Variants in TRIO observed in about 807,000 individuals in gnomAD.
TRIO encodes triple functional domain protein.
Under a neutral mutation model 351.9 loss-of-function variants are expected in TRIO, and 58 were observed. That is an observed-to-expected ratio of 0.16 (90% CI 0.13 to 0.21). The LOEUF is 0.21. Ranked by LOEUF, TRIO falls within the 10% of genes least tolerant of loss-of-function variation. The probability of loss-of-function intolerance (pLI) is 1.00; values close to 1 mark genes in which losing one functional copy is unlikely to be tolerated. For synonymous variants in TRIO, 1,758 were observed against 1,595.7 expected, an observed-to-expected ratio of 1.10 and a Z score of -2.42; for missense variants, 3,201 against 4,027.8, an observed-to-expected ratio of 0.79 and a Z score of 5.56.
At chr5:14,422,123 C>T (rs1474387422) in intron 34 of TRIO, among the ~76,000 whole-genome samples, 3 of 152,200 alleles carry the variant, frequency 2.0e-5, no homozygotes, top group Admixed American at 6.5e-5. Context: ...GGATATGCAG[C>T]GAGCGAGTTA....
intron 48 of TRIO, among the ~76,000 whole-genome samples, chr5:14,490,987 C>T (rs1301263864): frequency 6.6e-6 from 1 of 152,198 alleles, no homozygotes; most frequent in Non-Finnish European, 1.5e-5. Context: ...TGCTGAAGAG[C>T]CACAGGCAAA....
chr5:14,146,602 TC>T (rs1787538116), intron 1 of TRIO, among the ~76,000 whole-genome samples: 1 of 152,258 alleles, frequency 6.6e-6, no homozygotes, highest in Non-Finnish European at 1.5e-5. Context: ...GAGTGAACAG[TC>T]CTGTGATTTC....
At chr5:14,459,789 T>C (rs1753635045) in intron 34 of TRIO, among the ~76,000 whole-genome samples, 2 of 152,206 alleles carry the variant, frequency 1.3e-5, no homozygotes, top group South Asian at 4.1e-4. Flanking sequence ...TCTTGAAATG[T>C]CATCCACTCC....
intron 21 of TRIO, among the ~76,000 whole-genome samples, chr5:14,384,072 G>A (rs1429458123): frequency 2.0e-5 from 3 of 152,178 alleles, no homozygotes; most frequent in Non-Finnish European, 4.4e-5. Flanking sequence ...GGCACCACCT[G>A]CATCCAGGTT....
In TRIO at chr5:14,360,024, C is replaced by G. The variant is rs185603838; in HGVS notation, c.2391+493C>G. On this transcript the variant is annotated intron_variant, in intron 13 of 56. Coordinates refer to ENST00000344204, the MANE Select transcript of TRIO (RefSeq NM_007118.4). The stretch of plus-strand genomic sequence containing the variant: ...CTCTCTCTCTCCACCTTCTCTCTCT[C>G]CTACCTTTTCTCTTCCTTGCTTCCT... Among the ~76,000 whole-genome samples the G allele has an allele frequency of 1.6e-3, 237 of 152,202 alleles. 1 individual carries two copies. The highest frequency in any genetic ancestry group is 5.3e-3 in the African/African-American group (219 of 41,516).
chr5:14,338,371 C>T (rs914993328), intron 11 of TRIO, among the ~76,000 whole-genome samples: 3 of 152,134 alleles, frequency 2.0e-5, no homozygotes, highest in East Asian at 1.9e-4. Context: ...GGACCCCTCC[C>T]GCTCAACACA....
intron 40 of TRIO, among the ~76,000 whole-genome samples, chr5:14,475,339 C>T (rs757987542): frequency 1.4e-5 from 1 of 69,276 alleles, no homozygotes; most frequent in Non-Finnish European, 2.8e-5. Context: ...GCTCTGGCCT[C>T]TCTCTGAAGC....
chr5:14,261,569 C>G (rs1795346020), intron 1 of TRIO, among the ~76,000 whole-genome samples: 1 of 152,218 alleles, frequency 6.6e-6, no homozygotes, highest in East Asian at 1.9e-4. Flanking sequence ...TACAAAATCT[C>G]ATAATGAAAA....
intron 3 of TRIO, among the ~76,000 whole-genome samples, chr5:14,283,815 C>G (rs890299108): frequency 6.6e-6 from 1 of 151,806 alleles, no homozygotes; most frequent in Non-Finnish European, 1.5e-5. Context: ...TCATAAGATT[C>G]ATTTGCAATG....
intron 1 of TRIO, among the ~76,000 whole-genome samples, chr5:14,161,340 C>G (rs1394092175): frequency 6.6e-6 from 1 of 152,174 alleles, no homozygotes; most frequent in African/African-American, 2.4e-5. Flanking sequence ...GTTTGCTGTT[C>G]CCTCTTCTTC....
At chr5:14,421,223 ATTTATTTAT>A (rs1294870985) in intron 34 of TRIO, among the ~76,000 whole-genome samples, 7 of 118,770 alleles carry the variant, frequency 5.9e-5, no homozygotes, top group Admixed American at 1.7e-4. Context: ...TTAATTATTT[ATTTATTTAT>A]TTTATTTTAT....
At position 14,300,201 on chromosome 5, in the gene TRIO, C is replaced by T. The variant is rs187407676; in HGVS notation, c.1368+2938C>T. ...ACAGGACAGACCCTTTATATTAAGA[C>T]GCTTTCACAGCAGATACCATTAGAA... is the stretch of plus-strand genomic sequence containing the variant. On this transcript the variant is annotated intron_variant, in intron 7 of 56. Coordinates refer to ENST00000344204, the MANE Select transcript of TRIO (RefSeq NM_007118.4). Among the ~76,000 whole-genome samples the T allele has an allele frequency of 2.7e-4, 41 of 152,300 alleles. No homozygotes were observed. The East Asian group carries it at 3.9e-3, about 14-fold the overall frequency.
intron 34 of TRIO, among the ~76,000 whole-genome samples, chr5:14,432,727 G>A (rs772299485): frequency 1.3e-5 from 2 of 152,134 alleles, no homozygotes; most frequent in Non-Finnish European, 2.9e-5. Flanking sequence ...CAATCACAAA[G>A]GAAAAGCCAT....
At chr5:14,344,395 C>A (rs1331252973) in intron 11 of TRIO, among the ~76,000 whole-genome samples, 2 of 152,206 alleles carry the variant, frequency 1.3e-5, no homozygotes, top group African/African-American at 2.4e-5. Flanking sequence ...AAAATATAAT[C>A]TTTATTGAAA....
chr5:14,385,898 G>A (rs1406567628), intron 21 of TRIO, among the ~76,000 whole-genome samples: 1 of 152,102 alleles, frequency 6.6e-6, no homozygotes, highest in East Asian at 1.9e-4. Context: ...ACACTCAATA[G>A]CTTTCTTAAC....
At chr5:14,346,248 G>A (rs1309505145) in intron 11 of TRIO, among the ~76,000 whole-genome samples, 1 of 152,222 alleles carries the variant, frequency 6.6e-6, no homozygotes, top group Non-Finnish European at 1.5e-5. Context: ...TGATGTTGAT[G>A]AACGACAAGC....
intron 4 of TRIO, among the ~76,000 whole-genome samples, chr5:14,288,388 A>G (rs30626): frequency 0.76 from 116,275 of 152,124 alleles, 44,685 homozygotes; most frequent in African/African-American, 0.81. Context: ...GTCCAGCAGG[A>G]CCGGGTGTGG....
At chr5:14,269,758 A>G (rs185425259) in intron 1 of TRIO, among the ~76,000 whole-genome samples, 16 of 152,350 alleles carry the variant, frequency 1.1e-4, no homozygotes, top group African/African-American at 2.4e-4. Context: ...TGACTTCAGT[A>G]CTTTCCTTGC....
At chr5:14,182,871 C>T (rs979860984) in intron 1 of TRIO, among the ~76,000 whole-genome samples, 27 of 131,174 alleles carry the variant, frequency 2.1e-4, no homozygotes, top group Admixed American at 3.7e-4. Context: ...GACCCCCCCC[C>T]CTCCACTTTG....
Sources: allele counts gnomAD v4.1 joint callset (sites outside exome capture counted in the v4.1 genomes callset), GRCh38; gene constraint gnomAD v4.1.1; transcripts MANE v1.5; gene names NCBI Gene and HGNC (gene_info 2026-07-23, HGNC 2026-07-21).